Variants in MACF1 observed in about 807,000 individuals in gnomAD.
MACF1 encodes microtubule-actin cross-linking factor 1.
A neutral mutation model predicts 854.8 loss-of-function variants in MACF1; 193 were observed. That is an observed-to-expected ratio of 0.23 (90% CI 0.20 to 0.25). The LOEUF (loss-of-function observed/expected upper bound fraction) is 0.25. Among genes scored for constraint, MACF1 ranks in the 10% least tolerant of loss-of-function variants. The pLI is 1.00. For missense variants in MACF1, 7,722 were observed against 8,929.1 expected (o/e 0.86, Z 5.45); for synonymous variants, 3,185 against 3,226.7 (o/e 0.99, Z 0.44).
In MACF1 at chr1:39,112,073, C is replaced by T. The variant is rs111768412; in HGVS notation, c.220+27635C>T. Among the ~76,000 whole-genome samples, 289 of 150,022 alleles carry T rather than the reference C, an allele frequency of 1.9e-3. 2 individuals carry two copies. The highest frequency in any genetic ancestry group is 6.8e-3 in the African/African-American group (279 of 40,954). On this transcript the variant is annotated intron_variant, in intron 2 of 93. Transcript: ENST00000361689. Reference sequence around the variant, plus strand: ...TTTTCCAGGAATGCCCTCTCCCTTCCTGATTATTCAAATCTTTTTTTTTTT... The same window carrying T: ...TTTTCCAGGAATGCCCTCTCCCTTCTTGATTATTCAAATCTTTTTTTTTTT...
intron 2 of MACF1, among the ~76,000 whole-genome samples, chr1:39,169,807 T>C (rs1466505476): frequency 7.0e-6 from 1 of 143,064 alleles, no homozygotes; most frequent in Non-Finnish European, 1.5e-5. Context: ...GGAGTCTCGC[T>C]CTGTTGCCCA....
Position 39,287,906 on chromosome 1 carries a change from A to G in MACF1, c.1785+344A>G, listed in dbSNP as rs149150917. Among the ~76,000 whole-genome samples, 245 of 152,332 alleles carry G rather than the reference A, an allele frequency of 1.6e-3. 1 individual carries two copies. The highest frequency in any genetic ancestry group is 5.6e-3 in the African/African-American group (232 of 41,572). On this transcript the variant is annotated intron_variant, in intron 15 of 100. Coordinates refer to ENST00000564288, the MANE Select transcript of MACF1 (RefSeq NM_001394062.1). ...ACAAATTCTCACAGTCCCGTACTGA[A>G]TAGCATACAGTTTTCTCATTTGAAA...
chr1:39,352,446 CCT>C (rs1647214642), intron 43 of MACF1, among the ~76,000 whole-genome samples: 1 of 152,178 alleles, frequency 6.6e-6, no homozygotes, highest in Non-Finnish European at 1.5e-5. Flanking sequence ...CTTCTGTGTA[CCT>C]CAAAAGATTC....
chr1:39,431,144 C>CA (rs1389024912), intron 66 of MACF1, among the ~76,000 whole-genome samples: 1 of 152,206 alleles, frequency 6.6e-6, no homozygotes, highest in African/African-American at 2.4e-5. Context: ...GAAGAGTCTA[C>CA]ATGAGGCCTT....
At chr1:39,452,005 G>A in intron 85 of MACF1, 151 bp from the exon 86 acceptor site, 1 of 642,480 alleles carries the variant, frequency 1.6e-6, no homozygotes, top group Non-Finnish European at 2.6e-6. Context: ...ACTGCGCCCG[G>A]CCTGGTTGTT....
At chr1:39,469,226 A>G (rs922593926) in intron 96 of MACF1, among the ~76,000 whole-genome samples, 3 of 152,158 alleles carry the variant, frequency 2.0e-5, no homozygotes, top group Non-Finnish European at 2.9e-5. Context: ...GTGGCCACCT[A>G]AGCAAGACCA....
intron 97 of MACF1, among the ~76,000 whole-genome samples, 182 bp downstream of exon 97, chr1:39,469,797 G>A (rs763314782): frequency 6.6e-6 from 1 of 152,170 alleles, no homozygotes; most frequent in Non-Finnish European, 1.5e-5. Context: ...TTGAGACAGT[G>A]TCCATGGAAT....
intron 2 of MACF1, among the ~76,000 whole-genome samples, chr1:39,094,274 G>A (rs182842993): frequency 9.5e-4 from 144 of 152,054 alleles, no homozygotes; most frequent in African/African-American, 3.1e-3. Flanking sequence ...GTGAGACCCC[G>A]TCTCCACAAA....
chr1:39,245,686 G>A (rs760038776), intron 2 of MACF1, among the ~76,000 whole-genome samples: 3 of 152,150 alleles, frequency 2.0e-5, no homozygotes, highest in Non-Finnish European at 4.4e-5. Context: ...CCAGGAGTTC[G>A]AGACTAGCCT....
chr1:39,413,801 C>CCG (rs2148619807), intron 58 of MACF1: 1 of 1,610,284 alleles, frequency 6.2e-7, no homozygotes, highest in African/African-American at 1.3e-5. Flanking sequence ...GTGCCCACCC[C>CCG]AGCAGAATCT....
chr1:39,274,152 A>C (rs1054853544), intron 6 of MACF1, among the ~76,000 whole-genome samples: 5 of 152,176 alleles, frequency 3.3e-5, no homozygotes, highest in African/African-American at 1.2e-4. Flanking sequence ...TTATTATACT[A>C]TTCTGTCTCC....
At chr1:39,198,124 G>C (rs1036740694) in intron 2 of MACF1, among the ~76,000 whole-genome samples, 1 of 152,190 alleles carries the variant, frequency 6.6e-6, no homozygotes, top group Admixed American at 6.5e-5. Context: ...CTTGAGCCCG[G>C]TAGTTTGAGG....
chr1:39,230,584 T>TA (rs547789042), intron 1 of MACF1, among the ~76,000 whole-genome samples: 24,603 of 137,554 alleles, frequency 0.18, 2,441 homozygotes, highest in Non-Finnish European at 0.24. Flanking sequence ...GTTAAAGAGG[T>TA]AAAAAAAAAA....
intron 18 of MACF1, 38 bp from the exon 19 acceptor site, chr1:39,295,008 A>C (rs775454205): frequency 6.8e-7 from 1 of 1,472,884 alleles, no homozygotes; most frequent in Non-Finnish European, 9.5e-7. Flanking sequence ...CCCCACTGCC[A>C]AGAGTGCTTA....
In MACF1 at chr1:39,084,578, T is replaced by C. The variant is rs77962653; in HGVS notation, c.220+140T>C. On this transcript the variant is annotated intron_variant, in intron 2 of 93. Coordinates refer to the MACF1 transcript ENST00000361689. The surrounding 1 kb of genome is among the most constrained non-coding windows in gnomAD (Gnocchi z 5.2). ...CCATCATCTGATTTGTTATTATTATTCTTGGAAAGACGTTGAAATAACATT... is the reference window on the plus strand; with the variant it reads ...CCATCATCTGATTTGTTATTATTATCCTTGGAAAGACGTTGAAATAACATT... 4.1e-3 allele frequency: 3,009 copies of C among 735,748 alleles called. 71 individuals are homozygous for C. In the African/African-American group the frequency reaches 0.048, roughly 12 times the overall value. 45.6% of individuals were successfully genotyped at this position (735,748 alleles called of 1,614,324 possible).
intron 2 of MACF1, among the ~76,000 whole-genome samples, chr1:39,087,685 T>C (rs1044639202): frequency 2.0e-5 from 3 of 152,234 alleles, no homozygotes; most frequent in African/African-American, 7.2e-5. Flanking sequence ...AGGACATATG[T>C]TAGCATCCGA....
Position 39,336,526 on chromosome 1 carries a change from T to C in MACF1, c.9938T>C (p.Val3313Ala). 1 of 1,614,138 alleles carries C rather than the reference T, an allele frequency of 6.2e-7. No individual in the cohort carries two copies. Among genetic ancestry groups the C allele is most frequent in the African/African-American group, 1.3e-5 (1 of 75,046 alleles). Reference sequence around the variant, plus strand: ...GTGTCCCTAACAGTATGCTCTGCAGTGAAGACAGAGAAGACACCACAGGAA... The same window carrying C: ...GTGTCCCTAACAGTATGCTCTGCAGCGAAGACAGAGAAGACACCACAGGAA... ...KTVSLTVCSA[V>A]KTEKTPQEKL... The change falls in exon 37 of 101, where the codon GTG becomes GCG. Residue 3313 changes from valine to alanine, a missense_variant. Coordinates refer to ENST00000564288, the MANE Select transcript of MACF1 (RefSeq NM_001394062.1).
rs187468884 is a variant in MACF1 at position 39,273,400 on chromosome 1, G to A, written c.529-8808G>A. 1.5e-3 allele frequency among the ~76,000 whole-genome samples: 221 copies of A among 152,108 alleles called. 2 individuals are homozygous for A. Among genetic ancestry groups the A allele is most frequent in the African/African-American group, 5.1e-3 (213 of 41,504 alleles). On this transcript the variant is annotated intron_variant, in intron 6 of 100. Transcript: ENST00000564288. ...GCCTAGAAATGATAAGAAAGAGGTT[G>A]GTTGGTGTATTATCTTCTGGGCTCA...
intron 52 of MACF1, 23 bp downstream of exon 52, chr1:39,372,619 A>G (rs765707432): frequency 2.0e-6 from 3 of 1,492,454 alleles, no homozygotes; most frequent in South Asian, 1.1e-5. Flanking sequence ...TCTTCAAAAT[A>G]TAGTGAATAA....
Sources: gnomAD v4.1 joint callset for allele counts (sites outside exome capture counted in the v4.1 genomes callset) on GRCh38, gnomAD v4.1.1 for gene constraint, Gnocchi (gnomAD v3.1) non-coding constraint, MANE v1.5 for transcripts, NCBI Gene and HGNC (gene_info 2026-07-23, HGNC 2026-07-21) for gene names.